Variants in WIPF3 observed in about 807,000 individuals in gnomAD.
WIPF3 encodes the protein WAS/WASL interacting protein family member 3, also known as WAS/WASL-interacting protein family member 3.
A neutral mutation model predicts 38.9 loss-of-function variants in WIPF3; 33 were observed. That is an observed-to-expected ratio of 0.85 (90% CI 0.64 to 1.14). The LOEUF is 1.14. Ranked by LOEUF, WIPF3 falls within the 50% of genes most tolerant of loss-of-function variation. The pLI is 0.00. For synonymous variants in WIPF3, 324 were observed against 269.3 expected (o/e 1.20, Z -1.99); for missense variants, 711 against 652.5 (o/e 1.09, Z -0.98).
intron 2 of WIPF3, among the ~76,000 whole-genome samples, chr7:29,837,153 A>G (rs955060007): frequency 3.3e-5 from 5 of 152,198 alleles, no homozygotes; most frequent in Non-Finnish European, 5.9e-5. Context: ...CAGGAGATGG[A>G]GACCACCCTG....
chr7:29,839,076 G>T (rs943018559), intron 2 of WIPF3, among the ~76,000 whole-genome samples: 2 of 152,182 alleles, frequency 1.3e-5, no homozygotes, highest in East Asian at 1.9e-4. Context: ...TCAGGAGATG[G>T]CACCCTTTGG....
intron 3 of WIPF3, among the ~76,000 whole-genome samples, chr7:29,877,559 G>A (rs1785628739): frequency 6.6e-6 from 1 of 152,176 alleles, no homozygotes; most frequent in Non-Finnish European, 1.5e-5. Flanking sequence ...GTACTTATGT[G>A]TGAAGAAGTG....
rs750896866 is a variant in WIPF3, at chr7:29,879,029, G to A, written c.244G>A (p.Glu82Lys). 1.2e-6 allele frequency: 2 copies of A among 1,600,990 alleles called. No homozygotes were observed. Among genetic ancestry groups the A allele is most frequent in the East Asian group, 2.2e-5 (1 of 44,608 alleles). Reference protein sequence around the residue: ...QIESSKGTNKEGGGSANTRGA... With the variant: ...QIESSKGTNKKGGGSANTRGA... Reference sequence around the variant, plus strand: ...TAAAGGTTCTAAAGGAACCAACAAAGAAGGAGGAGGTTCTGCAAACACACG... The same window carrying A: ...TAAAGGTTCTAAAGGAACCAACAAAAAAGGAGGAGGTTCTGCAAACACACG... Residue 82 changes from glutamate (E) to lysine (K), a missense_variant, in exon 4 of 9, where the codon GAA becomes AAA. Glu to Lys is a moderately conservative substitution (Grantham distance 56, BLOSUM62 1). Coordinates refer to ENST00000242140, the MANE Select transcript of WIPF3 (RefSeq NM_001080529.3).
intron 1 of WIPF3, among the ~76,000 whole-genome samples, chr7:29,808,538 C>A (rs543181516): frequency 6.6e-6 from 1 of 152,202 alleles, no homozygotes; most frequent in South Asian, 2.1e-4. Context: ...CCACCTGAAT[C>A]GGGGCAGAGC....
At chr7:29,831,250 TAA>T (rs1341773848) in intron 1 of WIPF3, among the ~76,000 whole-genome samples, 1 of 152,228 alleles carries the variant, frequency 6.6e-6, no homozygotes, top group Non-Finnish European at 1.5e-5. Context: ...GGAGAAAATA[TAA>T]GTGTTTGATA....
chr7:29,830,813 A>G (rs906469801), intron 1 of WIPF3, among the ~76,000 whole-genome samples: 1 of 152,176 alleles, frequency 6.6e-6, no homozygotes, highest in African/African-American at 2.4e-5. Flanking sequence ...AAAATGTCTT[A>G]GAAGTCCCCA....
At chr7:29,809,060 T>A (rs1043298741) in intron 1 of WIPF3, among the ~76,000 whole-genome samples, 2 of 152,218 alleles carry the variant, frequency 1.3e-5, no homozygotes, top group Non-Finnish European at 2.9e-5. Context: ...TTCTAGCAAA[T>A]GTGTTATAAA....
chr7:29,851,717 A>G (rs984610563), intron 2 of WIPF3, among the ~76,000 whole-genome samples: 1 of 152,212 alleles, frequency 6.6e-6, no homozygotes, highest in South Asian at 2.1e-4. Flanking sequence ...GCATGGCCGC[A>G]TGCTGGTGCA....
intron 8 of WIPF3, among the ~76,000 whole-genome samples, chr7:29,906,509 A>T (rs1480530650): frequency 1.3e-5 from 2 of 152,158 alleles, no homozygotes; most frequent in Admixed American, 6.5e-5. Flanking sequence ...AAAAAAAATT[A>T]AAAGTGAACA....
At chr7:29,836,399 C>G (rs1029741478) in intron 2 of WIPF3, among the ~76,000 whole-genome samples, 1 of 152,210 alleles carries the variant, frequency 6.6e-6, no homozygotes, top group Admixed American at 6.5e-5. Flanking sequence ...TTGCTGGTGA[C>G]AGACAAATGT....
intron 8 of WIPF3, among the ~76,000 whole-genome samples, chr7:29,910,409 C>T (rs1224478655): frequency 6.6e-6 from 1 of 152,186 alleles, no homozygotes; most frequent in East Asian, 1.9e-4. Context: ...GGAGGGAACG[C>T]TTTTTATCTA....
At chr7:29,897,039 A>G (rs904557394) in intron 7 of WIPF3, among the ~76,000 whole-genome samples, 1 of 152,206 alleles carries the variant, frequency 6.6e-6, no homozygotes, top group African/African-American at 2.4e-5. Flanking sequence ...CTCTGTCTCT[A>G]TTAATTTCAC....
chr7:29,884,659 C>G, intron 5 of WIPF3, 66 bp downstream of exon 5: 1 of 1,505,070 alleles, frequency 6.6e-7, no homozygotes, highest in South Asian at 1.3e-5. Flanking sequence ...TTGCACAGGA[C>G]TTTATTGTTG....
intron 4 of WIPF3, among the ~76,000 whole-genome samples, chr7:29,882,641 T>C (rs1238487411): frequency 6.6e-6 from 1 of 152,118 alleles, no homozygotes; most frequent in Admixed American, 6.5e-5. Context: ...TAGCCCCTGA[T>C]TGGGGTAAAC....
rs1436165299 is a variant in WIPF3, at chr7:29,889,482, TCA to T, written c.1351+78_1351+79del. The T allele has an allele frequency of 9.5e-6, 10 of 1,050,420 alleles. No individual in the cohort carries two copies. In the East Asian group the frequency reaches 2.2e-4, roughly 23 times the overall value. The allele number at this position is 1,050,420 out of a possible 1,614,324, so 65.1% of individuals were successfully genotyped here. Reference sequence around the variant, plus strand: ...TAGGTGCCCACTGTGCATCAGTTGGTCACAGACTGTCTAAAGGATGATGTCAT... The same window carrying T: ...TAGGTGCCCACTGTGCATCAGTTGGTCAGACTGTCTAAAGGATGATGTCAT... On this transcript the variant is annotated intron_variant, in intron 7 of 8. Transcript: ENST00000242140.
intron 7 of WIPF3, among the ~76,000 whole-genome samples, chr7:29,900,835 C>A (rs1786260898): frequency 6.6e-6 from 1 of 152,210 alleles, no homozygotes; most frequent in African/African-American, 2.4e-5. Flanking sequence ...TGGGGTCCAG[C>A]ACTCCTTGCA....
intron 2 of WIPF3, among the ~76,000 whole-genome samples, chr7:29,864,154 A>G (rs1785347744): frequency 1.3e-5 from 2 of 152,274 alleles, no homozygotes; most frequent in South Asian, 4.1e-4. Context: ...ATTGTCAGCT[A>G]TAGTTTTGTT....
chr7:29,887,386 G>T (rs1034823067), intron 5 of WIPF3, among the ~76,000 whole-genome samples: 9 of 152,338 alleles, frequency 5.9e-5, no homozygotes, highest in African/African-American at 2.2e-4. Context: ...GCACTGATGT[G>T]CCAGGATAGC....
intron 1 of WIPF3, among the ~76,000 whole-genome samples, chr7:29,824,877 C>T (rs890581808): frequency 3.3e-5 from 5 of 152,082 alleles, no homozygotes; most frequent in Admixed American, 2.0e-4. Flanking sequence ...GGAGCCAGGG[C>T]GTCAGAATCT....
Sources: gnomAD v4.1 joint callset for allele counts (sites outside exome capture counted in the v4.1 genomes callset) on GRCh38, gnomAD v4.1.1 for gene constraint, MANE v1.5 for transcripts, NCBI Gene and HGNC (gene_info 2026-07-23, HGNC 2026-07-21) for gene names.